The following APOC3 variants were observed in gnomAD, a reference collection of about 807,000 sequenced individuals.
The protein encoded by APOC3 is apolipoprotein C-III.
In APOC3, 6 loss-of-function variants were observed where a neutral mutation model predicts 7.3. The ratio of observed to expected loss-of-function variants is 0.82; its 90% CI spans 0.45 to 1.61. The LOEUF (loss-of-function observed/expected upper bound fraction) is 1.61. Among genes scored for constraint, APOC3 ranks in the 40% most tolerant of loss-of-function variants. The pLI is 0.01. For missense variants in APOC3, 123 were observed against 124.9 expected, an observed-to-expected ratio of 0.98 and a Z score of 0.07; for synonymous variants, 45 against 51.2, an observed-to-expected ratio of 0.88 and a Z score of 0.52.
chr11:116,831,572 C>T (rs112695578), intron 3 of APOC3, among the ~76,000 whole-genome samples: 1 of 151,896 alleles, frequency 6.6e-6, no homozygotes, highest in African/African-American at 2.4e-5. Flanking sequence ...ACCATGTTGG[C>T]CAGGTTGGTC....
intron 3 of APOC3, among the ~76,000 whole-genome samples, chr11:116,831,512 G>A (rs542590176): frequency 3.4e-4 from 51 of 151,488 alleles, no homozygotes; most frequent in East Asian, 9.8e-4. Context: ...TTACAGGCAC[G>A]CGCCACCACA....
intron 3 of APOC3, 55 bp downstream of exon 3, chr11:116,830,951 C>T: frequency 6.3e-7 from 1 of 1,590,066 alleles, no homozygotes; most frequent in Non-Finnish European, 8.5e-7. Flanking sequence ...CCATTCCCAC[C>T]CGCCCCTGCC....
At chr11:116,831,126 C>T in intron 3 of APOC3, 1 of 578,094 alleles carries the variant, frequency 1.7e-6, no homozygotes, top group Non-Finnish European at 3.1e-6. Flanking sequence ...CGGAGCAGTC[C>T]TAGGGCGTGC....
intron 3 of APOC3, chr11:116,831,196 TC>T (rs1941446784): frequency 2.3e-5 from 1 of 42,560 alleles, no homozygotes; most frequent in Non-Finnish European, 6.7e-5. Context: ...TCTATTTCTT[TC>T]TTTCTTTCTT....
At chr11:116,830,456 A>T in intron 1 of APOC3, 114 bp from the exon 2 acceptor site, 2 of 1,100,644 alleles carry the variant, frequency 1.8e-6, no homozygotes, top group Non-Finnish European at 2.7e-6. Context: ...GCCGGCCCCT[A>T]CTCCTTCTGG....
intron 3 of APOC3, among the ~76,000 whole-genome samples, chr11:116,831,894 C>T (rs550016671): frequency 3.3e-5 from 5 of 152,326 alleles, no homozygotes; most frequent in African/African-American, 9.6e-5. Flanking sequence ...AATGTAAGGC[C>T]ACTTGATCTG....
At chr11:116,831,362 T>C (rs1357056524) in intron 3 of APOC3, among the ~76,000 whole-genome samples, 1 of 150,946 alleles carries the variant, frequency 6.6e-6, no homozygotes, top group East Asian at 1.9e-4. Flanking sequence ...CTTTCTCTCT[T>C]TCTTTCTTCT....
Position 116,833,052 on chromosome 11 carries a change from C to A in APOC3, c.*168C>A. ...CAGGCATGCTGGCCTCCCAATAAAG[C>A]TGGACAAGAAGCTGCTATGAGTGGG... On this transcript the variant is annotated 3_prime_UTR_variant, in exon 4 of 4. Transcript: ENST00000227667. 2.1e-6 allele frequency: 2 copies of A among 972,316 alleles called. No individual in the cohort carries two copies. Among genetic ancestry groups the A allele is most frequent in the South Asian group, 1.4e-5 (1 of 72,908 alleles). 60.2% of individuals were successfully genotyped at this position (972,316 alleles called of 1,614,324 possible).
intron 3 of APOC3, chr11:116,831,250 TTTC>T (rs1941452645): frequency 2.9e-5 from 4 of 139,170 alleles, no homozygotes; most frequent in African/African-American, 2.0e-4. Flanking sequence ...TCTTTCTTTC[TTTC>T]TTTCCTTTCT....
rs1282860322 is a variant in APOC3, at chr11:116,832,947, C to T, written c.*63C>T. 12 of 1,610,434 alleles carry T rather than the reference C, an allele frequency of 7.5e-6. No individual in the cohort carries two copies. The highest frequency in any genetic ancestry group is 1.0e-5 in the Non-Finnish European group (12 of 1,178,316). The stretch of plus-strand genomic sequence containing the variant: ...GCGAGCTCCTTGGGTCCTGCAATCT[C>T]CAGGGCTGCCCCTGTAGGTTGCTTA... On this transcript the variant is annotated 3_prime_UTR_variant, in exon 4 of 4. Transcript: ENST00000227667.
intron 3 of APOC3, chr11:116,831,183 C>CTA (rs1565336338): frequency 2.2e-4 from 61 of 274,946 alleles, no homozygotes; most frequent in African/African-American, 1.6e-3. Context: ...CTTTCTTTCT[C>CTA]TTTCTATTTC....
chr11:116,831,189 A>ATTTCTTTCTTTC (rs1210737487), intron 3 of APOC3: 137 of 148,402 alleles, frequency 9.2e-4, no homozygotes, highest in African/African-American at 3.1e-3. Flanking sequence ...TTCTCTTTCT[A>ATTTCTTTCTTTC]TTTCTTTCTT....
At chr11:116,832,464 G>T (rs574622546) in intron 3 of APOC3, among the ~76,000 whole-genome samples, 12 of 152,338 alleles carry the variant, frequency 7.9e-5, no homozygotes, top group Admixed American at 6.5e-4. Context: ...TGACAGCCTT[G>T]ACCTTTCACA....
intron 3 of APOC3, chr11:116,831,219 TTC>T (rs1491396077): frequency 1.6e-5 from 3 of 183,528 alleles, no homozygotes; most frequent in African/African-American, 8.1e-5. Flanking sequence ...CTTTCTTTCT[TTC>T]TTTCTTTCTT....
At chr11:116,830,536 C>A in intron 1 of APOC3, 34 bp from the exon 2 acceptor site, 1 of 1,611,300 alleles carries the variant, frequency 6.2e-7, no homozygotes. Flanking sequence ...GGCATGGGGA[C>A]CTGGGGTGCC....
At chr11:116,830,674 G>A (rs768720746) in intron 2 of APOC3, 37 bp downstream of exon 2, 6 of 1,613,572 alleles carry the variant, frequency 3.7e-6, no homozygotes, top group Non-Finnish European at 5.1e-6. Context: ...GGGCAGGGTG[G>A]AGGCAACTTG....
chr11:116,830,720 C>T, intron 2 of APOC3, 53 bp from the exon 3 acceptor site: 1 of 1,613,172 alleles, frequency 6.2e-7, no homozygotes, highest in South Asian at 1.1e-5. Context: ...AAGCAGGAGC[C>T]CAGGGCTCGT....
intron 2 of APOC3, 58 bp from the exon 3 acceptor site, chr11:116,830,715 G>A (rs1565336139): frequency 6.2e-7 from 1 of 1,613,152 alleles, no homozygotes; most frequent in Non-Finnish European, 8.5e-7. Context: ...TGGTCAAGCA[G>A]GAGCCCAGGG....
At chr11:116,832,533 T>C (rs986987702) in intron 3 of APOC3, among the ~76,000 whole-genome samples, 8 of 152,220 alleles carry the variant, frequency 5.3e-5, no homozygotes, top group African/African-American at 1.9e-4. Flanking sequence ...TGAGGTGACC[T>C]GGAGATGGCA....
Sources: gnomAD v4.1 joint callset for allele counts (sites outside exome capture counted in the v4.1 genomes callset) on GRCh38, gnomAD v4.1.1 for gene constraint, MANE v1.5 for transcripts, NCBI Gene and HGNC (gene_info 2026-07-23, HGNC 2026-07-21) for gene names.